Variants in USP36 observed in about 807,000 individuals in gnomAD.
USP36 encodes the protein ubiquitin specific peptidase 36, also known as ubiquitin carboxyl-terminal hydrolase 36.
Under a neutral mutation model 111.5 loss-of-function variants are expected in USP36, and 59 were observed. That is an observed-to-expected ratio of 0.53 (90% CI 0.43 to 0.66). The LOEUF is 0.66. Among genes scored for constraint, USP36 ranks in the 30% least tolerant of loss-of-function variants. The pLI is 0.00. For missense variants in USP36, 1,488 were observed against 1,468.0 expected (o/e 1.01, Z -0.22); for synonymous variants, 628 against 581.0 (o/e 1.08, Z -1.16).
chr17:78,826,910 A>G (rs1186200203), intron 6 of USP36: 1 of 590,932 alleles, frequency 1.7e-6, no homozygotes, highest in African/African-American at 1.9e-5. Flanking sequence ...GAAAAAGTCC[A>G]TGGTAAGAAC....
Position 78,814,436 on chromosome 17 carries a change from G to C in USP36, c.1140C>G (p.Ala380=). The C allele has an allele frequency of 6.2e-7, 1 of 1,614,106 alleles. No homozygotes were observed. ...CCTTCACGTAGCAGTAATAGTGCCC[G>C]GCATGGCAGCTGTAGCCCGAGTGCA... ...VLVHSGYSCH[A]GHYYCYVKAS... is the part of the protein sequence containing the mutation. The change falls in exon 11 of 21, where the codon GCC becomes GCG. Residue 380 remains alanine (A), a synonymous_variant. Transcript: ENST00000449938.
Position 78,806,295 on chromosome 17 carries a change from A to G in USP36, c.2086-9T>C, listed in dbSNP as rs2093899672. The G allele has an allele frequency of 3.7e-6, 6 of 1,613,630 alleles. No individual in the cohort carries two copies. The highest frequency in any genetic ancestry group is 5.1e-6 in the Non-Finnish European group (6 of 1,179,924). On this transcript the variant is annotated splice_polypyrimidine_tract_variant and intron_variant, in intron 14 of 20. Transcript: ENST00000449938. ...CTCCACAGGGTGCTGGCCTGCAGTT[A>G]TCGACATAAATAAAAACTTGGTGGT...
intron 6 of USP36, among the ~76,000 whole-genome samples, chr17:78,822,509 C>T (rs1396340937): frequency 6.7e-6 from 1 of 148,724 alleles, no homozygotes; most frequent in Admixed American, 6.7e-5. Context: ...GACCAAATCT[C>T]CCCGGCTCTG....
chr17:78,795,136 CA>C (rs893878477), downstream of USP36, among the ~76,000 whole-genome samples: 14 of 152,240 alleles, frequency 9.2e-5, no homozygotes, highest in African/African-American at 3.4e-4. The surrounding 1 kb of genome is among the most constrained non-coding windows in gnomAD (Gnocchi z 4.5). Context: ...GGCTACAACG[CA>C]AATGCCTTCA....
rs935989971 is a variant in USP36 at position 78,799,718 on chromosome 17, C to T, written c.3073G>A (p.Val1025Met). The T allele has an allele frequency of 2.5e-6, 4 of 1,613,178 alleles. No individual in the cohort carries two copies. The highest frequency in any genetic ancestry group is 2.7e-5 in the African/African-American group (2 of 74,980). Residue 1025 changes from valine to methionine, a missense_variant, in exon 18 of 21, where the codon GTG becomes ATG. Physicochemically the swap from Val to Met is conservative, Grantham distance 21 (BLOSUM62 1). Coordinates refer to ENST00000449938, the MANE Select transcript of USP36 (RefSeq NM_001385174.1). ...VSWNGERESDVVQELLKYSSD... is the reference protein window; with the variant it reads ...VSWNGERESDMVQELLKYSSD... Reference sequence around the variant, plus strand: ...GAGTATTTGAGCAGTTCCTGGACCACATCAGACTCCCGCTCTCCATTCCAA... The same window carrying T: ...GAGTATTTGAGCAGTTCCTGGACCATATCAGACTCCCGCTCTCCATTCCAA...
chr17:78,820,826 G>GA (rs1784540784), intron 8 of USP36, among the ~76,000 whole-genome samples, 165 bp downstream of exon 8: 2 of 152,178 alleles, frequency 1.3e-5, no homozygotes, highest in Admixed American at 6.5e-5. Flanking sequence ...AAAAACTCTA[G>GA]AAAAAAACAG....
intron 17 of USP36, among the ~76,000 whole-genome samples, 172 bp downstream of exon 17, chr17:78,802,152 C>A (rs1489814058): frequency 2.7e-5 from 4 of 146,942 alleles, no homozygotes; most frequent in African/African-American, 1.0e-4. Flanking sequence ...CTGGTGCACA[C>A]CCACGCGGTC....
intron 4 of USP36, among the ~76,000 whole-genome samples, chr17:78,835,004 T>TATATAG: frequency 6.7e-6 from 1 of 149,952 alleles, no homozygotes; most frequent in East Asian, 1.9e-4. Context: ...TTTGTATATA[T>TATATAG]ATATATATAT....
In USP36 at chr17:78,812,845, C is replaced by A. The variant is rs1389728421; in HGVS notation, c.1407+15G>T. On this transcript the variant is annotated intron_variant, in intron 13 of 20. Coordinates refer to ENST00000449938, the MANE Select transcript of USP36 (RefSeq NM_001385174.1). ...CAAGACCAGCCACTTTGGCCTCCATCATTCTCACAAATACCTTTCCAGTCA... is the reference window on the plus strand; with the variant it reads ...CAAGACCAGCCACTTTGGCCTCCATAATTCTCACAAATACCTTTCCAGTCA... 4.3e-6 allele frequency: 7 copies of A among 1,612,386 alleles called. No individual in the cohort carries two copies. Among genetic ancestry groups the A allele is most frequent in the Middle Eastern group, 1.9e-4 (1 of 5,154 alleles).
chr17:78,839,081 G>C (rs1599124834), intron 1 of USP36, among the ~76,000 whole-genome samples: 1 of 152,192 alleles, frequency 6.6e-6, no homozygotes, highest in Non-Finnish European at 1.5e-5. Flanking sequence ...TAATGAACCA[G>C]TAAAACTTCA....
intron 1 of USP36, among the ~76,000 whole-genome samples, chr17:78,839,140 T>C (rs1362316393): frequency 1.3e-5 from 2 of 152,220 alleles, no homozygotes; most frequent in Non-Finnish European, 2.9e-5. Context: ...GCCAAAATTT[T>C]GCTTTGCTAA....
At chr17:78,818,578 A>G (rs955519626) in intron 10 of USP36, 89 bp downstream of exon 10, 5 of 1,155,528 alleles carry the variant, frequency 4.3e-6, no homozygotes, top group Non-Finnish European at 6.5e-6. Flanking sequence ...AACAGCAGCT[A>G]TCAAACTCGT....
At chr17:78,810,721 C>T (rs1017036228) in intron 13 of USP36, among the ~76,000 whole-genome samples, 4 of 152,222 alleles carry the variant, frequency 2.6e-5, no homozygotes, top group East Asian at 1.9e-4. Flanking sequence ...TACAGATGTA[C>T]GTAAATGACC....
At chr17:78,788,087 T>G (rs917613548) in intron 3 of USP36, among the ~76,000 whole-genome samples, 2 of 152,206 alleles carry the variant, frequency 1.3e-5, no homozygotes, top group Non-Finnish European at 2.9e-5. Context: ...TGTAGTCCTT[T>G]GTTATGGCAG....
chr17:78,829,694 C>G (rs1051708641), intron 4 of USP36, among the ~76,000 whole-genome samples: 27 of 152,320 alleles, frequency 1.8e-4, no homozygotes, highest in Non-Finnish European at 3.5e-4. Flanking sequence ...CCAGATGAGT[C>G]TGCCCACCCC....
chr17:78,817,514 G>C (rs1262463060), intron 10 of USP36, among the ~76,000 whole-genome samples: 1 of 152,102 alleles, frequency 6.6e-6, no homozygotes, highest in Non-Finnish European at 1.5e-5. Flanking sequence ...CAGCACTTTA[G>C]GAGGCTGAGG....
At chr17:78,802,071 C>T (rs1339229605) in intron 17 of USP36, among the ~76,000 whole-genome samples, 1 of 151,542 alleles carries the variant, frequency 6.6e-6, no homozygotes, top group Non-Finnish European at 1.5e-5. Context: ...TACCCCCTCA[C>T]CCGGTGCACA....
chr17:78,837,324 T>C (rs1431350724), intron 2 of USP36, among the ~76,000 whole-genome samples: 1 of 151,930 alleles, frequency 6.6e-6, no homozygotes, highest in Non-Finnish European at 1.5e-5. Flanking sequence ...CCAGGACTCT[T>C]ATCAAAAGAG....
rs544500620 is a variant in USP36, at chr17:78,819,814, A to G, written c.911+116T>C. 6 of 1,049,646 alleles carry G rather than the reference A, an allele frequency of 5.7e-6. No homozygotes were observed. In the South Asian group the frequency reaches 5.9e-5, roughly 10 times the overall value. 65.0% of individuals were successfully genotyped at this position (1,049,646 alleles called of 1,614,324 possible). A position where few individuals can be genotyped will look rare whatever the true frequency, so the allele number is the denominator to read the frequency against. On this transcript the variant is annotated intron_variant, in intron 9 of 20. Coordinates refer to ENST00000449938, the MANE Select transcript of USP36 (RefSeq NM_001385174.1). ...TTTTAGGACACACATAGGTTCCTCA[A>G]GAAATGCGAGCAGCGGTCACCGCTA... is the stretch of plus-strand genomic sequence containing the variant.
Sources: gnomAD v4.1 joint callset for allele counts (sites outside exome capture counted in the v4.1 genomes callset) on GRCh38, gnomAD v4.1.1 for gene constraint, Gnocchi (gnomAD v3.1) non-coding constraint, MANE v1.5 for transcripts, NCBI Gene and HGNC (gene_info 2026-07-23, HGNC 2026-07-21) for gene names.